JAK1: variants seen among roughly 807,000 people sequenced by gnomAD.
JAK1 encodes the protein Janus kinase 1.
In JAK1, 16 loss-of-function variants were observed where a neutral mutation model predicts 136.6. The ratio of observed to expected loss-of-function variants is 0.12; its 90% CI spans 0.08 to 0.18. The LOEUF is 0.18. Ranked by LOEUF, JAK1 falls within the 10% of genes least tolerant of loss-of-function variation. JAK1 has a pLI of 1.00. For missense variants in JAK1, 859 were observed against 1,450.1 expected, an observed-to-expected ratio of 0.59 and a Z score of 6.62; for synonymous variants, 492 against 519.5, an observed-to-expected ratio of 0.95 and a Z score of 0.72.
At chr1:64,955,532 A>T (rs1646170975) in intron 1 of JAK1, among the ~76,000 whole-genome samples, 1 of 152,196 alleles carries the variant, frequency 6.6e-6, no homozygotes, top group African/African-American at 2.4e-5. Flanking sequence ...GAAGGAGAGA[A>T]ATAGGAGAGT....
chr1:65,022,978 AACAT>A (rs1408025772), intron 2 of JAK1: 1 of 152,154 alleles, frequency 6.6e-6, no homozygotes, highest in African/African-American at 2.4e-5. Context: ...AAACATTTAA[AACAT>A]AGAATTTTTT....
At chr1:64,837,301 CTA>C (rs1481190802) in intron 22 of JAK1, among the ~76,000 whole-genome samples, 2 of 152,108 alleles carry the variant, frequency 1.3e-5, no homozygotes, top group Non-Finnish European at 2.9e-5. Flanking sequence ...TGGGAGAGGT[CTA>C]TGTTTGTGTC....
chr1:64,869,684 TTGAC>T (rs1206670083), intron 5 of JAK1, among the ~76,000 whole-genome samples: 1 of 152,168 alleles, frequency 6.6e-6, no homozygotes, highest in Non-Finnish European at 1.5e-5. Flanking sequence ...TAACAAAACA[TTGAC>T]TGAGCACTAT....
At chr1:64,938,541 T>C (rs1052751159) in intron 1 of JAK1, among the ~76,000 whole-genome samples, 1 of 152,252 alleles carries the variant, frequency 6.6e-6, no homozygotes, top group Non-Finnish European at 1.5e-5. Flanking sequence ...TTGGGCTTAA[T>C]GGTCATGTTT....
At chr1:65,032,524 A>AC (rs1161444247) in intron 2 of JAK1, among the ~76,000 whole-genome samples, 185 of 152,270 alleles carry the variant, frequency 1.2e-3, no homozygotes, top group African/African-American at 4.3e-3. Context: ...AACAACAACA[A>AC]AAAAAACAGG....
chr1:64,869,532 G>A, intron 5 of JAK1, 58 bp from the exon 6 acceptor site: 1 of 1,469,388 alleles, frequency 6.8e-7, no homozygotes. Flanking sequence ...TGACAAGAAG[G>A]CTACTACACA....
At chr1:65,007,837 C>T (rs1646816324) in intron 2 of JAK1, among the ~76,000 whole-genome samples, 1 of 152,068 alleles carries the variant, frequency 6.6e-6, no homozygotes, top group Non-Finnish European at 1.5e-5. Flanking sequence ...CCTCCACCTC[C>T]TGGGTTCAAG....
Position 64,836,090 on chromosome 1 carries a change from G to C in JAK1, c.3258+8C>G, listed in dbSNP as rs1193035857. The C allele has an allele frequency of 6.8e-7, 1 of 1,478,310 alleles. No homozygotes were observed. The highest frequency in any genetic ancestry group is 1.1e-5 in the South Asian group (1 of 87,754). The allele number at this position is 1,478,310 out of a possible 1,614,324, so 91.6% of individuals were successfully genotyped here. ...CTGGATTCAAATGAAGAGAAAAGTA[G>C]GACTTACAGCCATGGGACTAGAATC... is the stretch of plus-strand genomic sequence containing the variant. On this transcript the variant is annotated splice_region_variant and intron_variant, in intron 23 of 24. Coordinates refer to ENST00000342505, the MANE Select transcript of JAK1 (RefSeq NM_002227.4).
At chr1:64,893,129 A>C (rs1297955126) in intron 1 of JAK1, among the ~76,000 whole-genome samples, 1 of 152,166 alleles carries the variant, frequency 6.6e-6, no homozygotes, top group Admixed American at 6.5e-5. Context: ...GAGGAAAGGT[A>C]CAGCTGTTCT....
chr1:64,875,375 A>C (rs1360005204), intron 4 of JAK1, among the ~76,000 whole-genome samples: 1 of 152,232 alleles, frequency 6.6e-6, no homozygotes, highest in East Asian at 1.9e-4. Context: ...TAGAAACGGA[A>C]GCGGCAGAGA....
intron 12 of JAK1, among the ~76,000 whole-genome samples, chr1:64,850,103 C>A (rs906839120): frequency 6.6e-6 from 1 of 152,146 alleles, no homozygotes; most frequent in Admixed American, 6.5e-5. Context: ...TGAGTGGCCC[C>A]GTGCTTGCTT....
At chr1:65,040,360 C>T (rs1272138325) in intron 2 of JAK1, among the ~76,000 whole-genome samples, 2 of 152,084 alleles carry the variant, frequency 1.3e-5, no homozygotes, top group South Asian at 2.1e-4. Flanking sequence ...TTCTGTGGCT[C>T]GAGGCCACTT....
chr1:64,862,685 C>T (rs1656425548), intron 8 of JAK1, among the ~76,000 whole-genome samples: 2 of 152,160 alleles, frequency 1.3e-5, no homozygotes, highest in Admixed American at 6.5e-5. Context: ...AAAATGTGCA[C>T]CAGGCATACA....
At chr1:64,848,831 C>T (rs142178738) in intron 12 of JAK1, among the ~76,000 whole-genome samples, 85 of 152,248 alleles carry the variant, frequency 5.6e-4, no homozygotes, top group African/African-American at 2.0e-3. Flanking sequence ...CCCATAGGAA[C>T]ATACACCATT....
chr1:65,053,053 A>AAAAAAAAAAAAAG (rs1553185113), intron 1 of JAK1, among the ~76,000 whole-genome samples: 6 of 133,716 alleles, frequency 4.5e-5, no homozygotes, highest in African/African-American at 1.7e-4. Flanking sequence ...AAAAAAAAAA[A>AAAAAAAAAAAAAG]AAAGACTAGA....
At chr1:65,053,440 A>G (rs1647381347) in intron 1 of JAK1, among the ~76,000 whole-genome samples, 1 of 152,226 alleles carries the variant, frequency 6.6e-6, no homozygotes, top group Non-Finnish European at 1.5e-5. Context: ...GCACCTGTAA[A>G]TATGAATGCA....
intron 2 of JAK1, among the ~76,000 whole-genome samples, chr1:64,982,051 T>G (rs1313069744): frequency 1.3e-5 from 2 of 152,014 alleles, no homozygotes; most frequent in Non-Finnish European, 2.9e-5. Context: ...CATATACAAT[T>G]CTACAGAGTT....
At chr1:64,839,884 CCT>C (rs1459275527) in intron 19 of JAK1, 89 bp from the exon 20 acceptor site, 12 of 1,139,468 alleles carry the variant, frequency 1.1e-5, no homozygotes, top group African/African-American at 6.3e-5. Context: ...CAGCCGTTCC[CCT>C]GAGGGCCAGG....
At chr1:64,900,621 ACCCACTTATCTC>A (rs1248234080) in intron 1 of JAK1, among the ~76,000 whole-genome samples, 2 of 152,090 alleles carry the variant, frequency 1.3e-5, no homozygotes. Flanking sequence ...TGTTGTCTCT[ACCCACTTATCTC>A]CCAAATTACT....
Sources: allele counts gnomAD v4.1 joint callset (sites outside exome capture counted in the v4.1 genomes callset), GRCh38; gene constraint gnomAD v4.1.1; transcripts MANE v1.5; gene names NCBI Gene and HGNC (gene_info 2026-07-23, HGNC 2026-07-21).